Variants in RIC1 observed in about 807,000 individuals in gnomAD.
RIC1 encodes guanine nucleotide exchange factor subunit RIC1.
Under a neutral mutation model 169.0 loss-of-function variants are expected in RIC1, and 88 were observed. That is an observed-to-expected ratio of 0.52 (90% confidence interval 0.44 to 0.62). The LOEUF is 0.62. Ranked by LOEUF, RIC1 falls within the 20% of genes least tolerant of loss-of-function variation. The probability of loss-of-function intolerance (pLI) is 0.00; values close to 1 mark genes in which losing one functional copy is unlikely to be tolerated. For missense variants in RIC1, 1,877 were observed against 1,725.5 expected (o/e 1.09, Z -1.56); for synonymous variants, 790 against 601.5 (o/e 1.31, Z -4.59).
chr9:5,659,179 G>A (rs1819294262), intron 2 of RIC1, among the ~76,000 whole-genome samples: 1 of 152,014 alleles, frequency 6.6e-6, no homozygotes, highest in Non-Finnish European at 1.5e-5. Context: ...GAACGGTCTT[G>A]GTAGTCTTGT....
At chr9:5,730,279 A>G (rs1391390993) in intron 6 of RIC1, among the ~76,000 whole-genome samples, 2 of 152,186 alleles carry the variant, frequency 1.3e-5, no homozygotes, top group African/African-American at 4.8e-5. Context: ...ATTTTTTAAT[A>G]TGCTTGAAGC....
intron 6 of RIC1, among the ~76,000 whole-genome samples, chr9:5,729,351 T>C (rs1461268287): frequency 1.3e-5 from 2 of 152,146 alleles, no homozygotes; most frequent in African/African-American, 4.8e-5. Flanking sequence ...GGTTGCTTCT[T>C]TAAGTAGGTT....
intron 3 of RIC1, among the ~76,000 whole-genome samples, chr9:5,698,738 A>T (rs1452756205): frequency 6.6e-6 from 1 of 152,206 alleles, no homozygotes; most frequent in Non-Finnish European, 1.5e-5. Flanking sequence ...CTGTGTGTCT[A>T]TAAAATGAGA....
chr9:5,656,064 G>A (rs1392268700), intron 1 of RIC1, among the ~76,000 whole-genome samples: 1 of 151,928 alleles, frequency 6.6e-6, no homozygotes, highest in African/African-American at 2.4e-5. Flanking sequence ...TAGAAACGGG[G>A]TTTCACTGTG....
At chr9:5,663,616 G>C (rs1174564784) in intron 2 of RIC1, among the ~76,000 whole-genome samples, 2 of 152,148 alleles carry the variant, frequency 1.3e-5, no homozygotes, top group East Asian at 3.8e-4. Context: ...TGTTTTGTGA[G>C]AAACTAGGAT....
intron 3 of RIC1, among the ~76,000 whole-genome samples, chr9:5,694,472 C>G (rs1821772517): frequency 6.6e-6 from 1 of 152,130 alleles, no homozygotes; most frequent in African/African-American, 2.4e-5. Context: ...CTGAAAACAT[C>G]CCGTGTCTAA....
At chr9:5,764,518 TC>T (rs1826563286) in intron 19 of RIC1, among the ~76,000 whole-genome samples, 1 of 152,226 alleles carries the variant, frequency 6.6e-6, no homozygotes, top group Non-Finnish European at 1.5e-5. Context: ...ACTTAAAGAT[TC>T]TTTCCAGTTA....
At chr9:5,662,940 A>G (rs1486169740) in intron 2 of RIC1, among the ~76,000 whole-genome samples, 1 of 152,010 alleles carries the variant, frequency 6.6e-6, no homozygotes, top group Non-Finnish European at 1.5e-5. Context: ...TTAACTTGAG[A>G]TCTTTGTAGC....
intron 2 of RIC1, among the ~76,000 whole-genome samples, chr9:5,679,237 C>G (rs1371800608): frequency 6.6e-6 from 1 of 152,168 alleles, no homozygotes; most frequent in Non-Finnish European, 1.5e-5. Context: ...GTTTTGGTTA[C>G]TATAGCCTTA....
chr9:5,711,540 TTTTG>T (rs971458002), intron 3 of RIC1, among the ~76,000 whole-genome samples: 17 of 151,470 alleles, frequency 1.1e-4, no homozygotes, highest in African/African-American at 3.6e-4. Flanking sequence ...CATACGTCTT[TTTTG>T]TTTGTTTTCC....
At chr9:5,632,965 A>C (rs531769194) in intron 1 of RIC1, among the ~76,000 whole-genome samples, 9 of 152,212 alleles carry the variant, frequency 5.9e-5, no homozygotes, top group Non-Finnish European at 1.0e-4. Flanking sequence ...TTTGAACATC[A>C]ACTGTAAAAG....
chr9:5,747,627 A>G (rs546917112), intron 12 of RIC1, 122 bp downstream of exon 12: 1 of 845,524 alleles, frequency 1.2e-6, no homozygotes. Context: ...CCATTTTGTC[A>G]TGTCCCTCTT....
intron 2 of RIC1, among the ~76,000 whole-genome samples, chr9:5,689,605 T>C (rs1460785499): frequency 6.6e-6 from 1 of 152,230 alleles, no homozygotes; most frequent in Non-Finnish European, 1.5e-5. Context: ...TGTTGCTTTA[T>C]AAACTTAGAA....
intron 22 of RIC1, 52 bp downstream of exon 22, chr9:5,769,308 G>A (rs541596797): frequency 2.5e-6 from 4 of 1,613,896 alleles, no homozygotes; most frequent in African/African-American, 2.7e-5. Context: ...TTTACTCCGT[G>A]TATTTACACA....
rs1311050216 is a variant in RIC1, at chr9:5,763,590, C to T, written c.2563C>T (p.Pro855Ser). Reference protein sequence around the residue: ...LLLAQSCATLPYFPHVLELML... With the variant: ...LLLAQSCATLSYFPHVLELML... ...CTTGGCCCAGTCCTGTGCCACATTACCTTACTTCCCTCATGTGCTGGAGCT... is the reference window on the plus strand; with the variant it reads ...CTTGGCCCAGTCCTGTGCCACATTATCTTACTTCCCTCATGTGCTGGAGCT... The change falls in exon 19 of 26, where the codon CCT becomes TCT. Residue 855 changes from proline (P) to serine (S), a missense_variant. By Grantham distance (74) the Pro-to-Ser change is moderately conservative (BLOSUM62 -1). This residue lies in a region of RIC1 where 92 missense variants were observed against 151.5 expected (regional missense o/e 0.61). Coordinates refer to ENST00000414202, the MANE Select transcript of RIC1 (RefSeq NM_020829.4). This position sits in a 1 kb window ranked among gnomAD's most constrained non-coding sequence, Gnocchi z 5.2. The T allele has an allele frequency of 1.2e-6, 2 of 1,614,140 alleles. No homozygotes were observed. Among genetic ancestry groups the T allele is most frequent in the South Asian group, 2.2e-5 (2 of 91,074 alleles).
In RIC1 at chr9:5,774,945, T is replaced by C. The variant is rs762011501; in HGVS notation, c.*699T>C. 6.6e-6 allele frequency: 1 copy of C among 152,232 alleles called. No homozygotes were observed. Among genetic ancestry groups the C allele is most frequent in the Admixed American group, 6.5e-5 (1 of 15,278 alleles). The allele number at this position is 152,232 out of a possible 1,614,324, so 9.4% of individuals were successfully genotyped here. A position where few individuals can be genotyped will look rare whatever the true frequency, so the allele number is the denominator to read the frequency against. On this transcript the variant is annotated 3_prime_UTR_variant, in exon 26 of 26. Coordinates refer to ENST00000414202, the MANE Select transcript of RIC1 (RefSeq NM_020829.4). ...TGTTAGATACCACTAAACTATTTTG[T>C]ATTAAAGAACAGTATCTTTTTGTGA...
chr9:5,761,865 T>G (rs77271970), intron 17 of RIC1, among the ~76,000 whole-genome samples: 1,744 of 152,296 alleles, frequency 0.011, 47 homozygotes, highest in African/African-American at 0.04. Flanking sequence ...TGATTGAAAT[T>G]TTTCATTATA....
At chr9:5,641,619 T>C (rs1225257461) in intron 1 of RIC1, among the ~76,000 whole-genome samples, 3 of 149,572 alleles carry the variant, frequency 2.0e-5, no homozygotes, top group Non-Finnish European at 4.4e-5. Context: ...CTTTTTTCTT[T>C]TGTGGTCTCC....
chr9:5,680,815 ATTTTT>A (rs66478510), intron 2 of RIC1, among the ~76,000 whole-genome samples: 2 of 57,762 alleles, frequency 3.5e-5, no homozygotes, highest in African/African-American at 5.7e-5. Context: ...GCAGTCATTG[ATTTTT>A]TTTTTTTTTT....
Sources: gnomAD v4.1 joint callset for allele counts (sites outside exome capture counted in the v4.1 genomes callset) on GRCh38, gnomAD v4.1.1 for gene constraint, gnomAD v4.1.1 regional missense constraint, Gnocchi (gnomAD v3.1) non-coding constraint, MANE v1.5 for transcripts, NCBI Gene and HGNC (gene_info 2026-07-23, HGNC 2026-07-21) for gene names.